VPS35L: variants seen among roughly 807,000 people sequenced by gnomAD.
The protein encoded by VPS35L is VPS35 endosomal protein sorting factor like.
In VPS35L, 83 loss-of-function variants were observed where a neutral mutation model predicts 133.0. The ratio of observed to expected loss-of-function variants is 0.62; its 90% confidence interval spans 0.52 to 0.75. The LOEUF is 0.75. Among genes scored for constraint, VPS35L ranks in the 30% least tolerant of loss-of-function variants. The pLI is 0.00. For synonymous variants in VPS35L, 423 were observed against 449.9 expected (o/e 0.94, Z 0.76); for missense variants, 1,083 against 1,206.8 (o/e 0.90, Z 1.52).
At chr16:19,660,453 T>C (rs1332340635) in intron 26 of VPS35L, among the ~76,000 whole-genome samples, 1 of 152,180 alleles carries the variant, frequency 6.6e-6, no homozygotes, top group Non-Finnish European at 1.5e-5. Context: ...GATTGATGGA[T>C]TGAAGATCTA....
chr16:19,626,253 G>A (rs565584467), intron 15 of VPS35L, 30 bp downstream of exon 15: 22 of 1,548,496 alleles, frequency 1.4e-5, no homozygotes, highest in Middle Eastern at 3.4e-4. Flanking sequence ...TAAAGCATGA[G>A]TTTGAAAATG....
Position 19,622,935 on chromosome 16 carries a change from T to G in VPS35L, c.1225-3242T>G, listed in dbSNP as rs73535648. On this transcript the variant is annotated intron_variant, in intron 14 of 30. Coordinates refer to ENST00000417362, the MANE Select transcript of VPS35L (RefSeq NM_020314.7). The stretch of plus-strand genomic sequence containing the variant: ...CCTCCTCCACAACAAGTGGAGGCTC[T>G]CGGGTGATCAGCTTCAGTGCATCTT... Among the ~76,000 whole-genome samples the G allele has an allele frequency of 3.6e-3, 548 of 152,260 alleles. 3 individuals carry two copies. The highest frequency in any genetic ancestry group is 0.012 in the African/African-American group (514 of 41,522).
In VPS35L at chr16:19,639,045, G is replaced by A. The variant is rs1359645715; in HGVS notation, c.1699-970G>A. On this transcript the variant is annotated intron_variant, in intron 20 of 30. Transcript: ENST00000417362. This position sits in a 1 kb window ranked among gnomAD's most constrained non-coding sequence, Gnocchi z 4.1. ...ACCGAGATTGCACCAGGGCACTCGA[G>A]CCTAGACAACAGAGCGAAACTCTGT... Among the ~76,000 whole-genome samples the A allele has an allele frequency of 6.6e-6, 1 of 152,212 alleles. No individual in the cohort carries two copies. The highest frequency in any genetic ancestry group is 1.5e-5 in the Non-Finnish European group (1 of 68,040).
chr16:19,610,110 A>G (rs905488694), intron 11 of VPS35L, among the ~76,000 whole-genome samples: 5 of 152,212 alleles, frequency 3.3e-5, no homozygotes, highest in African/African-American at 1.2e-4. Context: ...GATAACGATG[A>G]AAGAAATCAT....
At chr16:19,700,304 G>C (rs1489832447) in intron 30 of VPS35L, 74 bp from the exon 31 acceptor site, 1 of 1,312,622 alleles carries the variant, frequency 7.6e-7, no homozygotes, top group Non-Finnish European at 1.1e-6. Context: ...CTCACATAAT[G>C]GCTGATTCAT....
intron 26 of VPS35L, among the ~76,000 whole-genome samples, chr16:19,660,338 A>T (rs1341028849): frequency 6.6e-6 from 1 of 152,010 alleles, no homozygotes; most frequent in East Asian, 1.9e-4. Flanking sequence ...AAAAAAAAAA[A>T]AAATAAAGAA....
intron 25 of VPS35L, among the ~76,000 whole-genome samples, chr16:19,650,776 CATT>C (rs1974098932): frequency 6.6e-6 from 1 of 151,860 alleles, no homozygotes; most frequent in Non-Finnish European, 1.5e-5. Flanking sequence ...TATTTTATAA[CATT>C]ATAAAATATA....
intron 26 of VPS35L, among the ~76,000 whole-genome samples, chr16:19,665,282 A>G (rs372982243): frequency 1.3e-5 from 2 of 152,066 alleles, no homozygotes; most frequent in African/African-American, 2.4e-5. Context: ...CATTCTTTCT[A>G]TTTTTATTTT....
rs752893783 is a variant in VPS35L at position 19,626,172 on chromosome 16, A to T, written c.1225-5A>T. ...TTTTAATTATTATTATTTTTAACAT[A>T]ATAGGCTCTGCTGACCGAGATGATG... On this transcript the variant is annotated splice_polypyrimidine_tract_variant and splice_region_variant and intron_variant, in intron 14 of 30. Transcript: ENST00000417362. 1 of 1,575,034 alleles carries T rather than the reference A, an allele frequency of 6.3e-7. No individual in the cohort carries two copies. The highest frequency in any genetic ancestry group is 1.4e-5 in the African/African-American group (1 of 72,866).
rs116664214 is a variant in VPS35L, at chr16:19,636,518, T to C, written c.1636-1076T>C. Among the ~76,000 whole-genome samples the C allele has an allele frequency of 2.6e-3, 403 of 152,330 alleles. 2 individuals are homozygous for C. Among genetic ancestry groups the C allele is most frequent in the African/African-American group, 9.4e-3 (389 of 41,568 alleles). ...CAGAAACTATTTTAACCAGACAGCA[T>C]TGCAGTGTCTTACAATGGTATGCCT... is the stretch of plus-strand genomic sequence containing the variant. On this transcript the variant is annotated intron_variant, in intron 19 of 30. Transcript: ENST00000417362.
intron 28 of VPS35L, among the ~76,000 whole-genome samples, chr16:19,688,323 T>G (rs181990032): frequency 5.9e-4 from 90 of 152,304 alleles, no homozygotes; most frequent in Admixed American, 1.2e-3. Context: ...ACAGTATCCT[T>G]CCTACTTGTT....
At chr16:19,666,657 A>G (rs1405296637) in intron 26 of VPS35L, among the ~76,000 whole-genome samples, 3 of 152,200 alleles carry the variant, frequency 2.0e-5, no homozygotes, top group Admixed American at 6.5e-5. Context: ...TTAATGAGGC[A>G]TAATAATAGG....
chr16:19,700,921 A>G lies in VPS35L; in HGVS notation c.*445A>G, dbSNP rs1976111255. 1 of 159,630 alleles carries G rather than the reference A, an allele frequency of 6.3e-6. No homozygotes were observed. The highest frequency in any genetic ancestry group is 1.8e-4 in the South Asian group (1 of 5,436). The allele number at this position is 159,630 out of a possible 1,614,324, so 9.9% of individuals were successfully genotyped here. A position where few individuals can be genotyped will look rare whatever the true frequency, so the allele number is the denominator to read the frequency against. On this transcript the variant is annotated 3_prime_UTR_variant, in exon 31 of 31. Coordinates refer to ENST00000417362, the MANE Select transcript of VPS35L (RefSeq NM_020314.7). ...TGTACCTTAAAGTTAGAGCACACCC[A>G]AAGTCTGGAACTGTGTTACCTGAAC...
intron 7 of VPS35L, 52 bp from the exon 8 acceptor site, chr16:19,591,738 A>G (rs375233963): frequency 3.0e-6 from 4 of 1,353,748 alleles, no homozygotes; most frequent in South Asian, 1.2e-5. Context: ...GGAGTGTCCT[A>G]CCCATACCAG....
rs79298797 is a variant in VPS35L, at chr16:19,561,741, G to A, written c.18-3110G>A. Among the ~76,000 whole-genome samples the A allele has an allele frequency of 6.1e-3, 927 of 152,268 alleles. 10 individuals are homozygous for A. Among genetic ancestry groups the A allele is most frequent in the East Asian group, 0.026 (137 of 5,172 alleles). On this transcript the variant is annotated intron_variant, in intron 1 of 30. Coordinates refer to ENST00000417362, the MANE Select transcript of VPS35L (RefSeq NM_020314.7). The stretch of plus-strand genomic sequence containing the variant: ...GGTTGGGAGGGACAAGAATTGTCCC[G>A]TGTGCCCAGAAAAGCTGTTTTACTG...
intron 12 of VPS35L, among the ~76,000 whole-genome samples, chr16:19,613,872 G>T (rs148955088): frequency 6.6e-6 from 1 of 152,182 alleles, no homozygotes; most frequent in Non-Finnish European, 1.5e-5. Flanking sequence ...CCAGCAATGG[G>T]GGGGATGAAT....
At chr16:19,692,433 G>A (rs1432418130) in intron 29 of VPS35L, among the ~76,000 whole-genome samples, 1 of 152,168 alleles carries the variant, frequency 6.6e-6, no homozygotes, top group Non-Finnish European at 1.5e-5. Flanking sequence ...CTCAGAGAGG[G>A]TTATTCAGAG....
At chr16:19,684,058 C>A (rs1360978422) in intron 28 of VPS35L, among the ~76,000 whole-genome samples, 1 of 152,126 alleles carries the variant, frequency 6.6e-6, no homozygotes, top group Non-Finnish European at 1.5e-5. Context: ...CAGGAAGGAC[C>A]CTGGTGTGGG....
chr16:19,576,647 T>C (rs943608344), intron 5 of VPS35L, among the ~76,000 whole-genome samples: 3 of 152,138 alleles, frequency 2.0e-5, no homozygotes, highest in African/African-American at 7.2e-5. Flanking sequence ...GTCTCTGATA[T>C]GGCAGCTGCC....
Sources: allele counts gnomAD v4.1 joint callset (sites outside exome capture counted in the v4.1 genomes callset), GRCh38; gene constraint gnomAD v4.1.1; non-coding constraint Gnocchi (gnomAD v3.1); transcripts MANE v1.5; gene names NCBI Gene and HGNC (gene_info 2026-07-23, HGNC 2026-07-21).